Variants in PPM1L observed in about 807,000 individuals in gnomAD.
PPM1L encodes protein phosphatase 1L.
PPM1L carries 13 observed loss-of-function variants against 31.4 expected under a neutral mutation model. That is an observed-to-expected ratio of 0.41 (90% CI 0.27 to 0.66). The LOEUF (loss-of-function observed/expected upper bound fraction) is 0.66. Ranked by LOEUF, PPM1L falls within the 30% of genes least tolerant of loss-of-function variation. The pLI is 0.29. For synonymous variants in PPM1L, 184 were observed against 175.4 expected (o/e 1.05, Z -0.39); for missense variants, 326 against 453.7 (o/e 0.72, Z 2.56).
chr3:160,950,846 G>A (rs1321175037), intron 1 of PPM1L, among the ~76,000 whole-genome samples: 8 of 152,136 alleles, frequency 5.3e-5, no homozygotes, highest in Admixed American at 4.6e-4. Context: ...ATTCCCAAGG[G>A]CATTTTCAGT....
At chr3:161,023,689 A>G (rs1446041950) in intron 2 of PPM1L, among the ~76,000 whole-genome samples, 1 of 152,126 alleles carries the variant, frequency 6.6e-6, no homozygotes, top group Non-Finnish European at 1.5e-5. Context: ...TAAACATACT[A>G]TGATAGTGGA....
At chr3:160,891,494 CAATA>C (rs1242135457) in intron 1 of PPM1L, among the ~76,000 whole-genome samples, 1 of 152,076 alleles carries the variant, frequency 6.6e-6, no homozygotes, top group Admixed American at 6.6e-5. Context: ...AGTCAGGAAA[CAATA>C]GATGCTGGCA....
At chr3:160,956,009 T>C (rs1370895493) in intron 1 of PPM1L, among the ~76,000 whole-genome samples, 1 of 152,160 alleles carries the variant, frequency 6.6e-6, no homozygotes, top group Non-Finnish European at 1.5e-5. Flanking sequence ...AAATATACTT[T>C]TGCACCACCC....
At chr3:161,002,648 G>A (rs1717538805) in intron 2 of PPM1L, among the ~76,000 whole-genome samples, 2 of 146,316 alleles carry the variant, frequency 1.4e-5, no homozygotes, top group African/African-American at 2.6e-5. Context: ...TTTGAGAAGT[G>A]TCTGTTCATG....
chr3:161,055,142 G>A (rs1719375738), intron 2 of PPM1L, among the ~76,000 whole-genome samples: 1 of 152,122 alleles, frequency 6.6e-6, no homozygotes, highest in South Asian at 2.1e-4. Context: ...AGACAAGAGA[G>A]AAAAGAAAGA....
chr3:160,770,698 G>T (rs904295003), intron 1 of PPM1L, among the ~76,000 whole-genome samples: 2 of 152,204 alleles, frequency 1.3e-5, no homozygotes, highest in Non-Finnish European at 1.5e-5. Context: ...GATTCTGCAC[G>T]TTGAAAGACC....
In PPM1L at chr3:161,073,881, T is replaced by C. The variant is rs1232240162; in HGVS notation, c.*4724T>C. On this transcript the variant is annotated 3_prime_UTR_variant, in exon 4 of 4. Transcript: ENST00000498165. ...CGGCCATCCCTTTCTTTTATATGAA[T>C]AATGAGCAAGAGCCCTGCCATAGCT... 1 of 152,192 alleles carries C rather than the reference T, an allele frequency of 6.6e-6. No homozygotes were observed. The highest frequency in any genetic ancestry group is 6.6e-5 in the Admixed American group (1 of 15,264). 9.4% of individuals were successfully genotyped at this position (152,192 alleles called of 1,614,324 possible). A position where few individuals can be genotyped will look rare whatever the true frequency, so the allele number is the denominator to read the frequency against.
rs1379328103 is a variant in PPM1L at position 161,070,954 on chromosome 3, G to GT, written c.*1798dup. On this transcript the variant is annotated 3_prime_UTR_variant, in exon 4 of 4. Coordinates refer to ENST00000498165, the MANE Select transcript of PPM1L (RefSeq NM_139245.4). ...TGAGATTTGCTTACTTTTGTATACTGTATTTTCCAGCATTACAGAACCTTG... is the reference window on the plus strand; with the variant it reads ...TGAGATTTGCTTACTTTTGTATACTGTTATTTTCCAGCATTACAGAACCTTG... 1 of 152,168 alleles carries GT rather than the reference G, an allele frequency of 6.6e-6. No individual in the cohort carries two copies. Among genetic ancestry groups the GT allele is most frequent in the African/African-American group, 2.4e-5 (1 of 41,438 alleles). The allele number at this position is 152,168 out of a possible 1,614,324, so 9.4% of individuals were successfully genotyped here. A position where few individuals can be genotyped will look rare whatever the true frequency, so the allele number is the denominator to read the frequency against.
At chr3:160,773,965 TG>T in intron 1 of PPM1L, among the ~76,000 whole-genome samples, 1 of 152,344 alleles carries the variant, frequency 6.6e-6, no homozygotes, top group East Asian at 1.9e-4. Context: ...CTCAGTGTGC[TG>T]GTCTCATTTT....
chr3:160,937,800 A>G (rs991817031), intron 1 of PPM1L, among the ~76,000 whole-genome samples: 1 of 152,242 alleles, frequency 6.6e-6, no homozygotes, highest in Non-Finnish European at 1.5e-5. Flanking sequence ...ATTTACATGA[A>G]GAGTCACTAA....
intron 1 of PPM1L, among the ~76,000 whole-genome samples, chr3:160,867,688 T>A (rs1339048509): frequency 6.6e-6 from 1 of 152,188 alleles, no homozygotes; most frequent in Admixed American, 6.5e-5. Flanking sequence ...TTTTTGCTAT[T>A]ATGGTTAGAA....
At chr3:160,778,546 C>T (rs985036381) in intron 1 of PPM1L, among the ~76,000 whole-genome samples, 2 of 152,020 alleles carry the variant, frequency 1.3e-5, no homozygotes, top group African/African-American at 4.8e-5. Context: ...TCTGAATATG[C>T]AAAACAAATA....
In PPM1L at chr3:160,919,013, A is replaced by T. The variant is rs1428596946; in HGVS notation, c.400-42723A>T. Reference sequence around the variant, plus strand: ...AGGAATAAAACAGAGATTAAAGAGAAGGGTTATTTAACACTGGGATGGTTA... The same window carrying T: ...AGGAATAAAACAGAGATTAAAGAGATGGGTTATTTAACACTGGGATGGTTA... On this transcript the variant is annotated intron_variant, in intron 1 of 3. Coordinates refer to ENST00000498165, the MANE Select transcript of PPM1L (RefSeq NM_139245.4). Among the ~76,000 whole-genome samples the T allele has an allele frequency of 2.6e-5, 4 of 152,350 alleles. No homozygotes were observed. In the East Asian group the frequency reaches 7.7e-4, roughly 29 times the overall value.
At chr3:160,878,287 A>G (rs927175503) in intron 1 of PPM1L, among the ~76,000 whole-genome samples, 11 of 152,174 alleles carry the variant, frequency 7.2e-5, no homozygotes, top group African/African-American at 2.2e-4. Context: ...CAGGGTTGGT[A>G]TATCAGTCCA....
chr3:160,977,305 T>C (rs936322556), intron 2 of PPM1L, among the ~76,000 whole-genome samples: 2 of 152,186 alleles, frequency 1.3e-5, no homozygotes, highest in African/African-American at 2.4e-5. Context: ...TAATCAATCC[T>C]AGGGAATTCT....
intron 2 of PPM1L, among the ~76,000 whole-genome samples, chr3:161,048,390 A>T (rs1327474007): frequency 6.6e-6 from 1 of 152,248 alleles, no homozygotes; most frequent in Non-Finnish European, 1.5e-5. Context: ...ATACCATCTC[A>T]TACCAGTTAG....
At chr3:160,850,035 A>G (rs1314317931) in intron 1 of PPM1L, among the ~76,000 whole-genome samples, 2 of 152,210 alleles carry the variant, frequency 1.3e-5, no homozygotes, top group East Asian at 3.9e-4. Flanking sequence ...TTAAGGGCTC[A>G]GTCCCACAAG....
intron 1 of PPM1L, among the ~76,000 whole-genome samples, chr3:160,852,008 TA>T (rs901891463): frequency 6.6e-6 from 1 of 152,238 alleles, no homozygotes; most frequent in African/African-American, 2.4e-5. Context: ...TGTTCTGTTT[TA>T]TACATAATCA....
rs1360956984 is a variant in PPM1L, at chr3:160,970,787, A to ATTC, written c.574+8879_574+8880insCTT. Among the ~76,000 whole-genome samples, 31 of 97,182 alleles carry ATTC rather than the reference A, an allele frequency of 3.2e-4. 2 individuals carry two copies. Among genetic ancestry groups the ATTC allele is most frequent in the South Asian group, 1.9e-3 (6 of 3,142 alleles). The allele number at this position is 97,182 out of a possible 152,430, so 63.8% of individuals were successfully genotyped here. On this transcript the variant is annotated intron_variant, in intron 2 of 3. Coordinates refer to ENST00000498165, the MANE Select transcript of PPM1L (RefSeq NM_139245.4). ...CAAGCTGATTTTAATTTCAGTTATAATTTTTTTTTTTTTTTTTTTTTTGAG... is the reference window on the plus strand; with the variant it reads ...CAAGCTGATTTTAATTTCAGTTATAATTCTTTTTTTTTTTTTTTTTTTTTTGAG...
Sources: gnomAD v4.1 joint callset for allele counts (sites outside exome capture counted in the v4.1 genomes callset) on GRCh38, gnomAD v4.1.1 for gene constraint, MANE v1.5 for transcripts, NCBI Gene and HGNC (gene_info 2026-07-23, HGNC 2026-07-21) for gene names.